CALHM4: variants seen among roughly 807,000 people sequenced by gnomAD.
CALHM4 encodes calcium homeostasis modulator protein 4.
CALHM4 carries 16 observed loss-of-function variants against 13.3 expected under a neutral mutation model. The observed-to-expected ratio is 1.20, with a 90% confidence interval of 0.81 to 1.82. The LOEUF is 1.82. Among genes scored for constraint, CALHM4 ranks in the 40% most tolerant of loss-of-function variants. The pLI is 0.00. For missense variants in CALHM4, 344 were observed against 374.9 expected (o/e 0.92, Z 0.68); for synonymous variants, 127 against 137.1 (o/e 0.93, Z 0.52).
Position 116,554,131 on chromosome 6 carries a change from T to C in CALHM4, c.338T>C (p.Ile113Thr), listed in dbSNP as rs750263228. 4.1e-5 allele frequency: 63 copies of C among 1,550,626 alleles called. 1 individual carries two copies. The South Asian group carries it at 7.0e-4, about 17-fold the overall frequency. Reference protein sequence around the residue: ...RFFSITGRAVIAPLTWLAVTL... With the variant: ...RFFSITGRAVTAPLTWLAVTL... Reference sequence around the variant, plus strand: ...TTCAGCATCACTGGGAGGGCAGTTATTGCTCCTTTAACTTGGCTGGCGGTG... The same window carrying C: ...TTCAGCATCACTGGGAGGGCAGTTACTGCTCCTTTAACTTGGCTGGCGGTG... Residue 113 changes from isoleucine (I) to threonine (T), a missense_variant, in exon 1 of 2, where the codon ATT becomes ACT. Ile to Thr is a moderately conservative substitution (Grantham distance 89). Coordinates refer to ENST00000368596, the MANE Select transcript of CALHM4 (RefSeq NM_001366078.2).
At chr6:116,545,100 T>C (rs1360277271) in intron 2 of CALHM4, among the ~76,000 whole-genome samples, 1 of 150,614 alleles carries the variant, frequency 6.6e-6, no homozygotes, top group African/African-American at 2.4e-5. Context: ...ACTATATATA[T>C]ACACACATAT....
intron 1 of CALHM4, among the ~76,000 whole-genome samples, chr6:116,530,734 A>G (rs1489501649): frequency 6.6e-6 from 1 of 151,912 alleles, no homozygotes; most frequent in African/African-American, 2.4e-5. Context: ...CTGCAAATGT[A>G]TAACAAAGAC....
rs1774529555 is a variant in CALHM4 at position 116,560,339 on chromosome 6, A to G, written c.*2128A>G. ...AGAATATTTGAAGTTATAGCATTAC[A>G]TCATCAGAAAGAAGATTAATAGTTG... On this transcript the variant is annotated 3_prime_UTR_variant, in exon 2 of 2. Transcript: ENST00000368596. Among the ~76,000 whole-genome samples, 1 of 152,228 alleles carries G rather than the reference A, an allele frequency of 6.6e-6. No homozygotes were observed. The highest frequency in any genetic ancestry group is 6.5e-5 in the Admixed American group (1 of 15,286).
At chr6:116,548,006 G>A (rs1250705638) in intron 2 of CALHM4, among the ~76,000 whole-genome samples, 1 of 152,164 alleles carries the variant, frequency 6.6e-6, no homozygotes, top group Non-Finnish European at 1.5e-5. Context: ...CTGATCTGTC[G>A]GTTGTATGAT....
chr6:116,529,450 C>G (rs915482233), intron 1 of CALHM4, among the ~76,000 whole-genome samples: 2 of 152,202 alleles, frequency 1.3e-5, no homozygotes, highest in African/African-American at 4.8e-5. Context: ...TCCATGCACC[C>G]TCCTGCTTCC....
chr6:116,543,108 A>G (rs572944249), intron 1 of CALHM4, among the ~76,000 whole-genome samples: 137 of 152,302 alleles, frequency 9.0e-4, no homozygotes, highest in African/African-American at 3.2e-3. Flanking sequence ...TTTGTAGGAA[A>G]AAAATCCTTC....
rs1339391162 is a variant in CALHM4 at position 116,560,652 on chromosome 6, G to C, written c.*2441G>C. Among the ~76,000 whole-genome samples the C allele has an allele frequency of 2.5e-4, 2 of 8,154 alleles. 1 individual carries two copies. The highest frequency in any genetic ancestry group is 8.6e-4 in the African/African-American group (2 of 2,330). 5.3% of individuals were successfully genotyped at this position (8,154 alleles called of 152,430 possible). On this transcript the variant is annotated 3_prime_UTR_variant, in exon 2 of 2. Coordinates refer to ENST00000368596, the MANE Select transcript of CALHM4 (RefSeq NM_001366078.2). The stretch of plus-strand genomic sequence containing the variant: ...AATAAATGGAATTTTTAGTATTTTG[G>C]GGGGGGGGGGGGCTATGGTCTATAG...
chr6:116,559,380 A>G lies in CALHM4; in HGVS notation c.*1169A>G, dbSNP rs1774486116. Among the ~76,000 whole-genome samples, 1 of 152,232 alleles carries G rather than the reference A, an allele frequency of 6.6e-6. No homozygotes were observed. Among genetic ancestry groups the G allele is most frequent in the Non-Finnish European group, 1.5e-5 (1 of 68,036 alleles). On this transcript the variant is annotated 3_prime_UTR_variant, in exon 2 of 2. Transcript: ENST00000368596. The stretch of plus-strand genomic sequence containing the variant: ...TCAAGATTCACTTTCAAGGAGACCA[A>G]GGAACTTGACTATACTATCTAAAAT...
intron 1 of CALHM4, among the ~76,000 whole-genome samples, chr6:116,539,280 A>G (rs1395848719): frequency 2.6e-5 from 4 of 152,230 alleles, no homozygotes; most frequent in Non-Finnish European, 5.9e-5. Context: ...CAATATAAAA[A>G]GGGACTTTTT....
chr6:116,542,309 C>G (rs1319325185), intron 1 of CALHM4, among the ~76,000 whole-genome samples: 1 of 151,848 alleles, frequency 6.6e-6, no homozygotes, highest in Admixed American at 6.6e-5. Flanking sequence ...AAAAAAAAGT[C>G]ATGTGTACAA....
intron 1 of CALHM4, among the ~76,000 whole-genome samples, chr6:116,538,177 CA>C (rs1324403856): frequency 6.6e-6 from 1 of 152,168 alleles, no homozygotes; most frequent in Non-Finnish European, 1.5e-5. Flanking sequence ...TGAGTCTCTT[CA>C]GAAGCTTTTC....
At chr6:116,554,538 G>A (rs1434177185) in intron 1 of CALHM4, among the ~76,000 whole-genome samples, 187 bp downstream of exon 1, 1 of 152,086 alleles carries the variant, frequency 6.6e-6, no homozygotes, top group African/African-American at 2.4e-5. Context: ...GGAGTCAGCA[G>A]AACTGAGTTT....
Position 116,554,332 on chromosome 6 carries a change from T to C in CALHM4, c.539T>C (p.Leu180Pro). 6.5e-7 allele frequency: 1 copy of C among 1,542,928 alleles called. No individual in the cohort carries two copies. The highest frequency in any genetic ancestry group is 8.7e-7 in the Non-Finnish European group (1 of 1,144,376). Residue 180 changes from leucine to proline, a missense_variant, in exon 1 of 2, where the codon CTG (leucine) becomes CCG (proline). Transcript: ENST00000368596. ...VILVRDEIAL[L>P]HRYQSQMLGW... The stretch of plus-strand genomic sequence containing the variant: ...CTAGTAAGAGATGAAATAGCTCTTC[T>C]GCACAGATACCAGTCACAGGTAAGT...
chr6:116,535,147 T>C (rs1345980293), intron 1 of CALHM4, among the ~76,000 whole-genome samples: 2 of 152,204 alleles, frequency 1.3e-5, no homozygotes, highest in African/African-American at 4.8e-5. Context: ...CACTCAGCTA[T>C]TTATGATTAT....
chr6:116,549,197 G>A (rs1340072278), upstream of CALHM4, among the ~76,000 whole-genome samples: 1 of 152,222 alleles, frequency 6.6e-6, no homozygotes, highest in Non-Finnish European at 1.5e-5. Context: ...TGAGGCAAGA[G>A]AATCGCTTGA....
chr6:116,543,779 T>C (rs1773604160), exon 2 of CALHM4: 1 of 1,510,222 alleles, frequency 6.6e-7, no homozygotes, highest in Non-Finnish European at 8.9e-7. Flanking sequence ...AAGCAAGAAT[T>C]GGATAAGACT....
chr6:116,539,564 T>C (rs1773301437), intron 1 of CALHM4, among the ~76,000 whole-genome samples: 1 of 152,232 alleles, frequency 6.6e-6, no homozygotes, highest in African/African-American at 2.4e-5. Flanking sequence ...AGAGGGTTAC[T>C]GTGACAGTGA....
At chr6:116,536,423 AAG>A (rs1463895466) in intron 1 of CALHM4, among the ~76,000 whole-genome samples, 1 of 152,220 alleles carries the variant, frequency 6.6e-6, no homozygotes, top group African/African-American at 2.4e-5. Flanking sequence ...TGAGGGAAAC[AAG>A]AGAGGGGAAT....
intron 1 of CALHM4, among the ~76,000 whole-genome samples, chr6:116,531,825 T>C (rs746547910): frequency 2.7e-5 from 4 of 150,808 alleles, no homozygotes; most frequent in Non-Finnish European, 5.9e-5. Flanking sequence ...TAATAAATAA[T>C]GGAAAAAACA....
Sources: allele counts gnomAD v4.1 joint callset (sites outside exome capture counted in the v4.1 genomes callset), GRCh38; gene constraint gnomAD v4.1.1; transcripts MANE v1.5; gene names NCBI Gene and HGNC (gene_info 2026-07-23, HGNC 2026-07-21).